The following ADAMTS6 variants were observed in gnomAD, a reference collection of about 807,000 sequenced individuals.
ADAMTS6 encodes the protein A disintegrin and metalloproteinase with thrombospondin motifs 6.
Under a neutral mutation model 144.3 loss-of-function variants are expected in ADAMTS6, and 23 were observed. The observed-to-expected ratio is 0.16, with a 90% CI of 0.11 to 0.23. The LOEUF (loss-of-function observed/expected upper bound fraction) is 0.23, where lower values mean the gene tolerates loss of function less well. Among genes scored for constraint, ADAMTS6 ranks in the 10% least tolerant of loss-of-function variants. The pLI is 1.00. For missense variants in ADAMTS6, 999 were observed against 1,379.6 expected (o/e 0.72, Z 4.37); for synonymous variants, 444 against 457.5 (o/e 0.97, Z 0.38).
intron 10 of ADAMTS6, chr5:65,297,214 A>G (rs1742926502): frequency 6.6e-6 from 3 of 456,170 alleles, no homozygotes; most frequent in African/African-American, 4.0e-5. Context: ...CGATTCATGA[A>G]CCACTTATTG....
At chr5:65,393,428 A>G (rs1161876451) in intron 7 of ADAMTS6, among the ~76,000 whole-genome samples, 2 of 152,218 alleles carry the variant, frequency 1.3e-5, no homozygotes, top group Non-Finnish European at 2.9e-5. Flanking sequence ...CATAATTTTA[A>G]CACTATGACC....
chr5:65,206,332 A>T (rs1251692103), intron 20 of ADAMTS6, among the ~76,000 whole-genome samples: 1 of 152,200 alleles, frequency 6.6e-6, no homozygotes, highest in Non-Finnish European at 1.5e-5. Context: ...GCACCTTTGT[A>T]CAGTTTGAAA....
At chr5:65,197,821 T>G (rs1388121573) in intron 20 of ADAMTS6, among the ~76,000 whole-genome samples, 2 of 152,196 alleles carry the variant, frequency 1.3e-5, no homozygotes, top group Admixed American at 6.5e-5. Context: ...ATTCAAATAT[T>G]AATTTATCTC....
rs111649549 is a variant in ADAMTS6 at position 65,388,362 on chromosome 5, C to T, written c.1074-54277G>A. Among the ~76,000 whole-genome samples the T allele has an allele frequency of 5.6e-3, 851 of 152,312 alleles. 12 individuals carry two copies. Among genetic ancestry groups the T allele is most frequent in the African/African-American group, 0.018 (745 of 41,560 alleles). On this transcript the variant is annotated intron_variant, in intron 7 of 24. Coordinates refer to ENST00000381055, the MANE Select transcript of ADAMTS6 (RefSeq NM_197941.4). ...GGATGAAGTTGTAACACTGAAACTT[C>T]TGATGAGGTTCTGATGAGGTACAGG...
chr5:65,211,430 C>T (rs549975186), intron 20 of ADAMTS6, among the ~76,000 whole-genome samples: 2 of 152,032 alleles, frequency 1.3e-5, no homozygotes, highest in South Asian at 4.2e-4. Context: ...GGTGAAACTC[C>T]GTCTCTACTA....
chr5:65,174,414 G>A (rs768710260), intron 22 of ADAMTS6, among the ~76,000 whole-genome samples: 9 of 152,222 alleles, frequency 5.9e-5, no homozygotes, highest in Admixed American at 1.3e-4. Flanking sequence ...CAGCTTGGCC[G>A]ATGCGGATCC....
At chr5:65,480,118 G>T (rs1761100067) in intron 1 of ADAMTS6, among the ~76,000 whole-genome samples, 1 of 151,930 alleles carries the variant, frequency 6.6e-6, no homozygotes, top group South Asian at 2.1e-4. Context: ...CATGAATTCT[G>T]AAAACTGTCA....
At chr5:65,452,651 T>TA in intron 5 of ADAMTS6, 56 bp downstream of exon 5, 1 of 1,572,538 alleles carries the variant, frequency 6.4e-7, no homozygotes, top group Non-Finnish European at 8.7e-7. Context: ...TTTATGACCT[T>TA]AGTCAAAAAC....
intron 24 of ADAMTS6, among the ~76,000 whole-genome samples, chr5:65,157,269 G>A (rs1752484771): frequency 6.6e-6 from 1 of 152,148 alleles, no homozygotes; most frequent in Admixed American, 6.5e-5. Context: ...TTTTCCCCAG[G>A]TGCTTTACAT....
Position 65,160,947 on chromosome 5 carries a change from C to T in ADAMTS6, c.3245-9002G>A, listed in dbSNP as rs530384978. On this transcript the variant is annotated intron_variant, in intron 24 of 24. Coordinates refer to ENST00000381055, the MANE Select transcript of ADAMTS6 (RefSeq NM_197941.4). The stretch of plus-strand genomic sequence containing the variant: ...GATTATAGGCGTGAGCCACCATGCC[C>T]GGCCTCTTTTCTTCCTTGATCTGCC... Among the ~76,000 whole-genome samples, 9 of 152,140 alleles carry T rather than the reference C, an allele frequency of 5.9e-5. No homozygotes were observed. The South Asian group carries it at 8.3e-4, about 14-fold the overall frequency.
Position 65,391,383 on chromosome 5 carries a change from G to T in ADAMTS6, c.1074-57298C>A, listed in dbSNP as rs111981464. Among the ~76,000 whole-genome samples the T allele has an allele frequency of 5.1e-3, 765 of 151,288 alleles. 11 individuals carry two copies. Among genetic ancestry groups the T allele is most frequent in the African/African-American group, 0.018 (727 of 41,176 alleles). On this transcript the variant is annotated intron_variant, in intron 7 of 24. Transcript: ENST00000381055. ...TTATCTATTGATACTGCTAACATTTGCTTTATTATTTGCAGCCATGTTCTC... is the reference window on the plus strand; with the variant it reads ...TTATCTATTGATACTGCTAACATTTTCTTTATTATTTGCAGCCATGTTCTC...
intron 18 of ADAMTS6, among the ~76,000 whole-genome samples, chr5:65,220,113 A>C (rs1395628844): frequency 6.6e-6 from 1 of 152,338 alleles, no homozygotes; most frequent in South Asian, 2.1e-4. Flanking sequence ...CTATAAAAAA[A>C]CCTTAACAAA....
chr5:65,180,099 G>A (rs1579977643), intron 22 of ADAMTS6, among the ~76,000 whole-genome samples: 1 of 152,084 alleles, frequency 6.6e-6, no homozygotes, highest in Non-Finnish European at 1.5e-5. Flanking sequence ...TACTAGTTGT[G>A]GATGAGGCTA....
chr5:65,424,925 C>T (rs1281231963), intron 7 of ADAMTS6, among the ~76,000 whole-genome samples: 1 of 151,916 alleles, frequency 6.6e-6, no homozygotes, highest in African/African-American at 2.4e-5. Context: ...GAATTTAATT[C>T]CGCTGTATAA....
chr5:65,167,380 G>A (rs1228918649), intron 24 of ADAMTS6, among the ~76,000 whole-genome samples: 1 of 151,888 alleles, frequency 6.6e-6, no homozygotes, highest in Non-Finnish European at 1.5e-5. Flanking sequence ...CTGAAATTGG[G>A]GCAATAATCA....
intron 18 of ADAMTS6, among the ~76,000 whole-genome samples, chr5:65,219,336 C>T (rs1008425592): frequency 2.0e-5 from 3 of 152,008 alleles, no homozygotes; most frequent in African/African-American, 7.2e-5. Context: ...CCCTTAACAG[C>T]GATAGTTGCC....
At chr5:65,370,429 G>A (rs1272509768) in intron 7 of ADAMTS6, among the ~76,000 whole-genome samples, 3 of 152,180 alleles carry the variant, frequency 2.0e-5, no homozygotes, top group Non-Finnish European at 4.4e-5. Context: ...CACCATGCGT[G>A]AGCCGAAGCA....
At position 65,212,100 on chromosome 5, in the gene ADAMTS6, C is replaced by T. The variant is rs1210602154; in HGVS notation, c.2575+2694G>A. On this transcript the variant is annotated intron_variant, in intron 20 of 24. Coordinates refer to ENST00000381055, the MANE Select transcript of ADAMTS6 (RefSeq NM_197941.4). ...GAAACGCAGATTAATGCGCCCCACT[C>T]GAAGAGTTTCTGTTCAGTAGGTCTG... Among the ~76,000 whole-genome samples, 5 of 152,138 alleles carry T rather than the reference C, an allele frequency of 3.3e-5. No homozygotes were observed. In the South Asian group the frequency reaches 8.3e-4, roughly 25 times the overall value.
chr5:65,479,117 A>G (rs1374875800), intron 1 of ADAMTS6, among the ~76,000 whole-genome samples: 1 of 151,930 alleles, frequency 6.6e-6, no homozygotes, highest in African/African-American at 2.4e-5. Context: ...AACTCTGGTT[A>G]TTTATTTAAG....
Sources: allele counts gnomAD v4.1 joint callset (sites outside exome capture counted in the v4.1 genomes callset), GRCh38; gene constraint gnomAD v4.1.1; transcripts MANE v1.5; gene names NCBI Gene and HGNC (gene_info 2026-07-23, HGNC 2026-07-21).